The following LSM5 variants were observed in gnomAD, a reference collection of about 807,000 sequenced individuals.
The protein encoded by LSM5 is U6 snRNA-associated Sm-like protein LSm5.
Under a neutral mutation model 13.8 loss-of-function variants are expected in LSM5, and 8 were observed. The ratio of observed to expected loss-of-function variants is 0.58; its 90% CI spans 0.34 to 1.04. LSM5 has a LOEUF of 1.04. LSM5 is among the 50% of genes least tolerant of loss of function. The pLI is 0.03. For synonymous variants in LSM5, 35 were observed against 37.0 expected (o/e 0.95, Z 0.20); for missense variants, 80 against 108.1 (o/e 0.74, Z 1.15).
intron 1 of LSM5, 98 bp from the exon 2 acceptor site, chr7:32,489,442 G>A (rs1786522263): frequency 1.3e-5 from 9 of 708,060 alleles, no homozygotes; most frequent in Non-Finnish European, 2.0e-5. Context: ...AGAAAAACCA[G>A]GAAAAACATT....
Position 32,487,130 on chromosome 7 carries a change from T to C in LSM5, c.*131A>G. 1 of 745,770 alleles carries C rather than the reference T, an allele frequency of 1.3e-6. No homozygotes were observed. The highest frequency in any genetic ancestry group is 2.3e-6 in the Non-Finnish European group (1 of 433,608). The allele number at this position is 745,770 out of a possible 1,614,324, so 46.2% of individuals were successfully genotyped here. A position where few individuals can be genotyped will look rare whatever the true frequency, so the allele number is the denominator to read the frequency against. ...ATTAACTTACAAAAATGGGTACACATCTTCAAAGCACTTCCCTTTAACGGG... is the reference window on the plus strand; with the variant it reads ...ATTAACTTACAAAAATGGGTACACACCTTCAAAGCACTTCCCTTTAACGGG... On this transcript the variant is annotated 3_prime_UTR_variant, in exon 5 of 5. Transcript: ENST00000450169.
intron 1 of LSM5, chr7:32,489,555 CT>C: frequency 2.0e-6 from 1 of 498,522 alleles, no homozygotes; most frequent in Non-Finnish European, 3.5e-6. Flanking sequence ...GGAATGAAAA[CT>C]TTTCAATCAC....
chr7:32,490,299 T>A lies in LSM5; in HGVS notation c.46+21A>T, dbSNP rs761616701. ...CTGAATGTCAGCTCCCTGTTCCTGC[T>A]CCCCAAAGGACGGCGATTACCTAAG... On this transcript the variant is annotated intron_variant, in intron 1 of 4. Coordinates refer to ENST00000450169, the MANE Select transcript of LSM5 (RefSeq NM_012322.3). 1.7e-5 allele frequency: 28 copies of A among 1,614,104 alleles called. No individual in the cohort carries two copies. In the East Asian group the frequency reaches 5.8e-4, roughly 33 times the overall value.
upstream of LSM5, among the ~76,000 whole-genome samples, chr7:32,493,867 T>TTTA (rs993407001): frequency 2.7e-5 from 4 of 148,640 alleles, no homozygotes; most frequent in African/African-American, 1.0e-4. Context: ...CTTTTTTTTT[T>TTTA]TTAGAGGAAA....
chr7:32,492,076 CTCTT>C (rs751261738), upstream of LSM5, among the ~76,000 whole-genome samples: 1 of 152,098 alleles, frequency 6.6e-6, no homozygotes, highest in African/African-American at 2.4e-5. Context: ...TTCTTTCTTT[CTCTT>C]TCTCTTTTTT....
chr7:32,487,375 TTG>T, intron 4 of LSM5, 82 bp from the exon 5 acceptor site: 1 of 1,143,510 alleles, frequency 8.7e-7, no homozygotes, highest in Non-Finnish European at 1.3e-6. Flanking sequence ...TAAGCCACCT[TTG>T]CCTGTCCCCT....
In LSM5 at chr7:32,485,942, CAAAAAAAAAAAA is replaced by C. The variant is rs10598963; in HGVS notation, c.*1307_*1318del. On this transcript the variant is annotated 3_prime_UTR_variant, in exon 5 of 5. Transcript: ENST00000450169. ...GCCACTGCATTCCAGTGAGACTCTC[CAAAAAAAAAAAA>C]AAAAAAAAAAAAAGGAAAAGAAAAC... is the stretch of plus-strand genomic sequence containing the variant. 8.7e-6 allele frequency: 1 copy of C among 114,544 alleles called. No individual in the cohort carries two copies. The highest frequency in any genetic ancestry group is 3.0e-4 in the South Asian group (1 of 3,328). 7.1% of individuals were successfully genotyped at this position (114,544 alleles called of 1,614,324 possible).
At chr7:32,490,484 C>A, upstream of LSM5, 1 of 797,502 alleles carries the variant, frequency 1.3e-6, no homozygotes, top group South Asian at 1.5e-5. Context: ...ACGATCTAGT[C>A]AGCTGCGTGG....
chr7:32,489,710 A>C (rs1786530611), intron 1 of LSM5: 1 of 292,962 alleles, frequency 3.4e-6, no homozygotes, highest in Non-Finnish European at 6.6e-6. Context: ...GGTAGCTTGA[A>C]CATCTCTTTA....
upstream of LSM5, among the ~76,000 whole-genome samples, chr7:32,493,014 T>C (rs570893462): frequency 2.0e-5 from 3 of 152,198 alleles, no homozygotes; most frequent in South Asian, 2.1e-4. Context: ...ATTTAAAACA[T>C]AATGTAAGAT....
Position 32,490,315 on chromosome 7 carries a change from A to T in LSM5, c.46+5T>A. On this transcript the variant is annotated splice_donor_5th_base_variant and intron_variant, in intron 1 of 4. Coordinates refer to ENST00000450169, the MANE Select transcript of LSM5 (RefSeq NM_012322.3). ...TGTTCCTGCTCCCCAAAGGACGGCGATTACCTAAGGGCAGCAGCTGCGACG... is the reference window on the plus strand; with the variant it reads ...TGTTCCTGCTCCCCAAAGGACGGCGTTTACCTAAGGGCAGCAGCTGCGACG... 6.2e-7 allele frequency: 1 copy of T among 1,614,196 alleles called. No individual in the cohort carries two copies. Among genetic ancestry groups the T allele is most frequent in the Non-Finnish European group, 8.5e-7 (1 of 1,180,020 alleles).
chr7:32,487,648 G>T, intron 4 of LSM5, 37 bp downstream of exon 4: 1 of 1,103,922 alleles, frequency 9.1e-7, no homozygotes, highest in Non-Finnish European at 1.4e-6. Context: ...CCAAAAATGG[G>T]CTCCCATCAA....
chr7:32,493,888 G>A (rs1156630602), upstream of LSM5, among the ~76,000 whole-genome samples: 1 of 139,986 alleles, frequency 7.1e-6, no homozygotes, highest in Non-Finnish European at 1.5e-5. Context: ...TCTCGCTCTT[G>A]TCCCCCAGGC....
upstream of LSM5, among the ~76,000 whole-genome samples, chr7:32,492,501 C>A (rs1400912011): frequency 6.6e-6 from 1 of 151,000 alleles, no homozygotes; most frequent in African/African-American, 2.4e-5. Context: ...AGCCTGGCGA[C>A]GGAGTGAGAC....
At chr7:32,488,049 T>TG (rs1491298771) in intron 3 of LSM5, 1 of 132,258 alleles carries the variant, frequency 7.6e-6, no homozygotes, top group East Asian at 1.9e-4. Context: ...GTTTTTTGGG[T>TG]TTTTTTTTTT....
At position 32,489,245 on chromosome 7, in the gene LSM5, A is replaced by G; in HGVS notation, c.142+4T>C. On this transcript the variant is annotated splice_donor_region_variant and intron_variant, in intron 2 of 4. Coordinates refer to ENST00000450169, the MANE Select transcript of LSM5 (RefSeq NM_012322.3). ...TATACCACCACCACCTTTTAAAAGG[A>G]TACTGACAAAGTCATCAAATCCTAG... is the stretch of plus-strand genomic sequence containing the variant. 1 of 1,508,664 alleles carries G rather than the reference A, an allele frequency of 6.6e-7. No individual in the cohort carries two copies. The highest frequency in any genetic ancestry group is 9.2e-7 in the Non-Finnish European group (1 of 1,088,614). The allele number at this position is 1,508,664 out of a possible 1,614,324, so 93.5% of individuals were successfully genotyped here.
chr7:32,489,940 T>A, intron 1 of LSM5: 1 of 899,224 alleles, frequency 1.1e-6, no homozygotes, highest in Non-Finnish European at 1.5e-6. Flanking sequence ...GACCAGGGTG[T>A]TAGTGTCACT....
chr7:32,494,173 A>G (rs1010359537), upstream of LSM5, among the ~76,000 whole-genome samples: 3 of 152,214 alleles, frequency 2.0e-5, no homozygotes, highest in Non-Finnish European at 4.4e-5. Flanking sequence ...TTAGACAGTA[A>G]TTTTAGCCAT....
chr7:32,492,955 C>T (rs776543781), upstream of LSM5, among the ~76,000 whole-genome samples: 100 of 152,102 alleles, frequency 6.6e-4, no homozygotes, highest in Non-Finnish European at 1.2e-3. Context: ...GACATTTGTC[C>T]TTGTGGACAA....
Sources: gnomAD v4.1 joint callset for allele counts (sites outside exome capture counted in the v4.1 genomes callset) on GRCh38, gnomAD v4.1.1 for gene constraint, MANE v1.5 for transcripts, NCBI Gene and HGNC (gene_info 2026-07-23, HGNC 2026-07-21) for gene names.